The following CFTR variants were observed in gnomAD, a reference collection of about 807,000 sequenced individuals.
CFTR encodes CF transmembrane conductance regulator.
In CFTR, 181 loss-of-function variants were observed where a neutral mutation model predicts 171.6. The ratio of observed to expected loss-of-function variants is 1.05; its 90% CI spans 0.93 to 1.19. The LOEUF is 1.19. Among genes scored for constraint, CFTR ranks in the 50% most tolerant of loss-of-function variants. CFTR has a pLI of 0.00. For missense variants in CFTR, 1,968 were observed against 1,734.7 expected (o/e 1.13, Z -2.39); for synonymous variants, 583 against 608.0 (o/e 0.96, Z 0.60).
chr7:117,534,207 T>C (rs1798908970), intron 4 of CFTR, 69 bp from the exon 5 acceptor site: 3 of 750,778 alleles, frequency 4.0e-6, no homozygotes, highest in Non-Finnish European at 4.6e-6. Flanking sequence ...TTAGTCATAT[T>C]ATAATTTTAC....
At chr7:117,586,310 G>A (rs544210039) in intron 11 of CFTR, 2 of 152,194 alleles carry the variant, frequency 1.3e-5, no homozygotes, top group South Asian at 4.1e-4. Context: ...GTGCTTATGG[G>A]TATTAACGAC....
At chr7:117,497,449 T>C (rs556589097) in intron 1 of CFTR, among the ~76,000 whole-genome samples, 1 of 152,312 alleles carries the variant, frequency 6.6e-6, no homozygotes, top group South Asian at 2.1e-4. Flanking sequence ...TGAATTTGGC[T>C]CTCATGAACA....
intron 10 of CFTR, among the ~76,000 whole-genome samples, chr7:117,549,606 A>G (rs527915078): frequency 3.3e-5 from 5 of 152,224 alleles, no homozygotes; most frequent in African/African-American, 4.8e-5. Context: ...GCTTTCTAGT[A>G]TTAGAATGGG....
intron 11 of CFTR, among the ~76,000 whole-genome samples, chr7:117,573,608 T>C (rs1791727638): frequency 6.6e-6 from 1 of 152,102 alleles, no homozygotes; most frequent in Admixed American, 6.6e-5. Context: ...GATTCTGAAA[T>C]TGGTCCAAGG....
chr7:117,644,517 G>A (rs1792970041), intron 23 of CFTR, among the ~76,000 whole-genome samples: 2 of 151,910 alleles, frequency 1.3e-5, no homozygotes, highest in African/African-American at 4.8e-5. Flanking sequence ...CTTTGCAAGG[G>A]CATAGTTCTG....
chr7:117,517,729 A>G (rs1798616627), intron 3 of CFTR, among the ~76,000 whole-genome samples: 1 of 152,022 alleles, frequency 6.6e-6, no homozygotes, highest in African/African-American at 2.4e-5. Context: ...TTGTTTCCTG[A>G]CTTTTTAATG....
intron 5 of CFTR, 56 bp downstream of exon 5, chr7:117,534,421 G>A (rs1304428301): frequency 1.0e-6 from 1 of 957,330 alleles, no homozygotes; most frequent in African/African-American, 1.6e-5. Context: ...TATACAACTG[G>A]AAAGGCGGAG....
chr7:117,652,877 C>G lies in CFTR; in HGVS notation c.3909C>G (p.Asn1303Lys), dbSNP rs80034486. 1.6e-4 allele frequency: 252 copies of G among 1,598,060 alleles called. No homozygotes were observed. Among genetic ancestry groups the G allele is most frequent in the Middle Eastern group, 5.6e-4 (3 of 5,386 alleles). The change falls in exon 24 of 27, where the codon AAC becomes AAG. Residue 1303 changes from asparagine to lysine, a missense_variant. Coordinates refer to ENST00000003084, the MANE Select transcript of CFTR (RefSeq NM_000492.4). ...TTTTTTCTGGAACATTTAGAAAAAA[C>G]TTGGATCCCTATGAACAGTGGAGTG... ...VFIFSGTFRK[N>K]LDPYEQWSDQ...
chr7:117,664,010 A>G (rs1000391280), intron 24 of CFTR, among the ~76,000 whole-genome samples: 3 of 152,158 alleles, frequency 2.0e-5, no homozygotes, highest in Non-Finnish European at 1.5e-5. Context: ...CCAATATCTA[A>G]GAGGCTTTAT....
chr7:117,488,742 A>G (rs1798112096), intron 1 of CFTR, among the ~76,000 whole-genome samples: 1 of 152,146 alleles, frequency 6.6e-6, no homozygotes, highest in Non-Finnish European at 1.5e-5. Flanking sequence ...CAGTTAACCT[A>G]GTGCTCTAAA....
At chr7:117,547,371 GCATT>G (rs1799163901) in intron 9 of CFTR, among the ~76,000 whole-genome samples, 1 of 152,010 alleles carries the variant, frequency 6.6e-6, no homozygotes, top group Non-Finnish European at 1.5e-5. Context: ...CAGTTTCAGT[GCATT>G]CAATTTATGG....
chr7:117,493,186 A>T (rs534758998), intron 1 of CFTR, among the ~76,000 whole-genome samples: 1 of 152,104 alleles, frequency 6.6e-6, no homozygotes, highest in African/African-American at 2.4e-5. Context: ...TCTCCAAATT[A>T]TCATCATTTG....
intron 24 of CFTR, among the ~76,000 whole-genome samples, chr7:117,660,113 A>G (rs1793247422): frequency 6.6e-6 from 1 of 152,014 alleles, no homozygotes; most frequent in Non-Finnish European, 1.5e-5. Flanking sequence ...ACTATTTATT[A>G]GCTCATCAGC....
intron 1 of CFTR, among the ~76,000 whole-genome samples, chr7:117,492,761 A>T (rs1044838086): frequency 2.2e-4 from 33 of 152,148 alleles, no homozygotes; most frequent in African/African-American, 7.7e-4. Context: ...TTTGTGGTAA[A>T]GGCTCAGGTA....
Position 117,642,574 on chromosome 7 carries a change from C to G in CFTR, c.3854C>G (p.Ala1285Gly). The change falls in exon 23 of 27, where the codon GCC becomes GGC. Residue 1285 changes from alanine (A) to glycine (G), a missense_variant. Transcript: ENST00000003084. ...DSITLQQWRK[A>G]FGVIPQKVFI... ...ATAACTTTGCAACAGTGGAGGAAAG[C>G]CTTTGGAGTGATACCACAGGTGAGC... 2 of 1,613,384 alleles carry G rather than the reference C, an allele frequency of 1.2e-6. No homozygotes were observed. Among genetic ancestry groups the G allele is most frequent in the Non-Finnish European group, 1.7e-6 (2 of 1,179,602 alleles).
chr7:117,612,016 T>C (rs1220285365), intron 20 of CFTR, among the ~76,000 whole-genome samples: 1 of 46,228 alleles, frequency 2.2e-5, no homozygotes, highest in Non-Finnish European at 3.8e-5. Flanking sequence ...GATATATATA[T>C]ATATATGTAT....
At position 117,504,278 on chromosome 7, in the gene CFTR, G is replaced by T. The variant is rs397508796; in HGVS notation, c.79G>T (p.Gly27Ter). The change falls in exon 2 of 27, where the codon GGA (glycine) becomes TGA (stop). Residue 27 changes from glycine to a stop codon, truncating the protein, a stop_gained. Coordinates refer to ENST00000003084, the MANE Select transcript of CFTR (RefSeq NM_000492.4). LOFTEE classifies it high-confidence loss of function. ...FSWTRPILRK[G>*]YRQRLELSDI... ...CTGGACCAGACCAATTTTGAGGAAA[G>T]GATACAGACAGCGCCTGGAATTGTC... The T allele has an allele frequency of 1.9e-6, 3 of 1,610,782 alleles. No individual in the cohort carries two copies. Among genetic ancestry groups the T allele is most frequent in the Non-Finnish European group, 2.5e-6 (3 of 1,177,096 alleles).
At chr7:117,561,888 T>G (rs573463646) in intron 11 of CFTR, among the ~76,000 whole-genome samples, 5 of 152,270 alleles carry the variant, frequency 3.3e-5, no homozygotes, top group Admixed American at 3.3e-4. Flanking sequence ...TAATGTCCTC[T>G]GATGGAATGA....
At position 117,640,362 on chromosome 7, in the gene CFTR, A is replaced by C. The variant is rs1792891975; in HGVS notation, c.3718-2076A>C. Among the ~76,000 whole-genome samples the C allele has an allele frequency of 2.0e-5, 3 of 152,268 alleles. No homozygotes were observed. In the South Asian group the frequency reaches 6.2e-4, roughly 32 times the overall value. On this transcript the variant is annotated intron_variant, in intron 22 of 26. Transcript: ENST00000003084. ...AACCAGAGTAATAGCTAAAACCTTT[A>C]AAGCTAAACCAAAGATTTACAAATT...
Sources: allele counts gnomAD v4.1 joint callset (sites outside exome capture counted in the v4.1 genomes callset), GRCh38; gene constraint gnomAD v4.1.1; transcripts MANE v1.5; gene names NCBI Gene and HGNC (gene_info 2026-07-23, HGNC 2026-07-21).